TMEM132B: variants seen among roughly 807,000 people sequenced by gnomAD.
The protein encoded by TMEM132B is transmembrane protein 132B.
A neutral mutation model predicts 90.8 loss-of-function variants in TMEM132B; 18 were observed. The observed-to-expected ratio is 0.20, with a 90% confidence interval of 0.14 to 0.29. The LOEUF is 0.29. Among genes scored for constraint, TMEM132B ranks in the 10% least tolerant of loss-of-function variants. TMEM132B has a pLI of 1.00. For synonymous variants in TMEM132B, 504 were observed against 523.3 expected, an observed-to-expected ratio of 0.96 and a Z score of 0.50; for missense variants, 1,096 against 1,326.8, an observed-to-expected ratio of 0.83 and a Z score of 2.70.
At chr12:125,394,331 A>T (rs562748204) in intron 2 of TMEM132B, among the ~76,000 whole-genome samples, 9 of 152,306 alleles carry the variant, frequency 5.9e-5, no homozygotes, top group African/African-American at 2.2e-4. Flanking sequence ...CTAACAATAG[A>T]AGTGATTAGG....
intron 5 of TMEM132B, among the ~76,000 whole-genome samples, chr12:125,638,037 T>C (rs761525368): frequency 9.2e-5 from 14 of 152,188 alleles, no homozygotes; most frequent in Non-Finnish European, 1.9e-4. Context: ...TACTGATGTG[T>C]GTATTTAGGT....
rs188833694 is a variant in TMEM132B at position 125,214,351 on chromosome 12, C to T, written c.67+27485C>T. 1.7e-3 allele frequency among the ~76,000 whole-genome samples: 265 copies of T among 152,308 alleles called. 1 individual carries two copies. The highest frequency in any genetic ancestry group is 3.0e-3 in the Non-Finnish European group (202 of 68,024). On this transcript the variant is annotated intron_variant, in intron 1 of 8. Transcript: ENST00000682704. ...TCTCAGGGCAGCTTCTTCTAAAGCA[C>T]GGCTGTTGGGTAGACCTCATATCCC...
Position 125,263,551 on chromosome 12 carries a change from G to A in TMEM132B, c.67+76685G>A, listed in dbSNP as rs78669634. Among the ~76,000 whole-genome samples the A allele has an allele frequency of 4.0e-3, 611 of 152,270 alleles. 21 individuals carry two copies. The East Asian group carries it at 0.097, about 24-fold the overall frequency. On this transcript the variant is annotated intron_variant, in intron 1 of 8. Coordinates refer to ENST00000682704, the MANE Select transcript of TMEM132B (RefSeq NM_001366854.1). ...AGTGCCTAGCACATGTGAGGTCTTC[G>A]TGCATATTTGTTGTTTCTGGCCGTA...
intron 3 of TMEM132B, among the ~76,000 whole-genome samples, chr12:125,504,321 T>G (rs561784595): frequency 6.6e-6 from 1 of 152,324 alleles, no homozygotes; most frequent in East Asian, 1.9e-4. Context: ...TTGAAGATTC[T>G]GTTTGGATTT....
chr12:125,271,031 G>A (rs948928706), intron 1 of TMEM132B, among the ~76,000 whole-genome samples: 1 of 151,608 alleles, frequency 6.6e-6, no homozygotes, highest in Admixed American at 6.6e-5. Context: ...GCTTACTGCA[G>A]CTTCCAACTC....
In TMEM132B at chr12:125,406,285, C is replaced by T; in HGVS notation, c.960-9246C>T. On this transcript the variant is annotated intron_variant, in intron 2 of 8. Coordinates refer to ENST00000682704, the MANE Select transcript of TMEM132B (RefSeq NM_001366854.1). This position sits in a 1 kb window ranked among gnomAD's most constrained non-coding sequence, Gnocchi z 8.3. Reference sequence around the variant, plus strand: ...TGTCTAGTGATGCTCATCAAGTTTCCTCATGTGGAAAATGGAAGCAGAAGC... The same window carrying T: ...TGTCTAGTGATGCTCATCAAGTTTCTTCATGTGGAAAATGGAAGCAGAAGC... 6.6e-6 allele frequency among the ~76,000 whole-genome samples: 1 copy of T among 152,182 alleles called. No homozygotes were observed. The highest frequency in any genetic ancestry group is 1.9e-4 in the East Asian group (1 of 5,200).
intron 1 of TMEM132B, among the ~76,000 whole-genome samples, chr12:125,288,746 C>T (rs1165054596): frequency 6.6e-6 from 1 of 152,188 alleles, no homozygotes; most frequent in Non-Finnish European, 1.5e-5. Flanking sequence ...ACTCCTCCCA[C>T]TAGATGCCGG....
chr12:125,239,380 G>A (rs1405642115), intron 1 of TMEM132B, among the ~76,000 whole-genome samples: 2 of 152,010 alleles, frequency 1.3e-5, no homozygotes, highest in Non-Finnish European at 2.9e-5. Context: ...TAAGTCAAAC[G>A]GCTTTAAGAA....
chr12:125,462,783 T>C (rs1159151042), intron 3 of TMEM132B, among the ~76,000 whole-genome samples: 1 of 152,240 alleles, frequency 6.6e-6, no homozygotes. Context: ...TTGGTTCTTC[T>C]CTCTGGAAGA....
At chr12:125,578,715 T>C (rs1167709523) in intron 4 of TMEM132B, among the ~76,000 whole-genome samples, 1 of 152,218 alleles carries the variant, frequency 6.6e-6, no homozygotes. Flanking sequence ...TTTCTGGATA[T>C]AAAATTCTTG....
chr12:125,505,186 A>C (rs902130819), intron 3 of TMEM132B, among the ~76,000 whole-genome samples: 12 of 147,702 alleles, frequency 8.1e-5, no homozygotes, highest in South Asian at 2.1e-4. Flanking sequence ...AAAAAAAAAA[A>C]AAAAAAAAAC....
At chr12:125,565,239 C>T (rs1276995058) in intron 4 of TMEM132B, among the ~76,000 whole-genome samples, 1 of 152,158 alleles carries the variant, frequency 6.6e-6, no homozygotes, top group Non-Finnish European at 1.5e-5. Flanking sequence ...GTTCCCTGAC[C>T]CGCCTTGCAG....
At chr12:125,514,583 C>T (rs1186439852) in intron 3 of TMEM132B, among the ~76,000 whole-genome samples, 1 of 152,210 alleles carries the variant, frequency 6.6e-6, no homozygotes, top group African/African-American at 2.4e-5. Context: ...TTAGAATTCC[C>T]ATGTGGGGAA....
chr12:125,382,574 A>G (rs1012998319), intron 2 of TMEM132B, among the ~76,000 whole-genome samples: 1 of 152,214 alleles, frequency 6.6e-6, no homozygotes, highest in Non-Finnish European at 1.5e-5. Flanking sequence ...TGACAGAACC[A>G]TTAGACAAAC....
At chr12:125,597,209 T>C (rs1459099417) in intron 5 of TMEM132B, among the ~76,000 whole-genome samples, 3 of 152,232 alleles carry the variant, frequency 2.0e-5, no homozygotes, top group Non-Finnish European at 4.4e-5. Flanking sequence ...TTACAATTAT[T>C]ACTTGGTCTT....
At chr12:125,424,060 T>C (rs931448473) in intron 3 of TMEM132B, among the ~76,000 whole-genome samples, 1 of 152,214 alleles carries the variant, frequency 6.6e-6, no homozygotes, top group Non-Finnish European at 1.5e-5. Context: ...AGTATAATAT[T>C]CTATTGATAT....
chr12:125,540,425 G>A (rs186181204), intron 4 of TMEM132B, among the ~76,000 whole-genome samples: 11 of 152,084 alleles, frequency 7.2e-5, no homozygotes, highest in African/African-American at 2.7e-4. Context: ...TCCTACTATT[G>A]TTGGAGATTT....
chr12:125,640,537 G>T (rs1183610692), intron 5 of TMEM132B, among the ~76,000 whole-genome samples: 1 of 152,190 alleles, frequency 6.6e-6, no homozygotes, highest in Non-Finnish European at 1.5e-5. Context: ...GCCAGAGAAG[G>T]AGGCAGGTCC....
intron 4 of TMEM132B, among the ~76,000 whole-genome samples, chr12:125,561,805 T>G (rs1884540251): frequency 6.6e-6 from 1 of 152,194 alleles, no homozygotes; most frequent in African/African-American, 2.4e-5. Context: ...CTTTGTTGTT[T>G]CATTTCTAGA....
Sources: allele counts gnomAD v4.1 joint callset (sites outside exome capture counted in the v4.1 genomes callset), GRCh38; gene constraint gnomAD v4.1.1; non-coding constraint Gnocchi (gnomAD v3.1); transcripts MANE v1.5; gene names NCBI Gene and HGNC (gene_info 2026-07-23, HGNC 2026-07-21).